The following ZMAT4 variants were observed in gnomAD, a reference collection of about 807,000 sequenced individuals.
ZMAT4 encodes zinc finger matrin-type protein 4.
A neutral mutation model predicts 28.7 loss-of-function variants in ZMAT4; 17 were observed. That is an observed-to-expected ratio of 0.59 (90% confidence interval 0.41 to 0.89). ZMAT4 has a LOEUF of 0.89. ZMAT4 is among the 40% of genes least tolerant of loss of function. ZMAT4 has a pLI of 0.00. For missense variants in ZMAT4, 240 were observed against 283.8 expected (o/e 0.85, Z 1.11); for synonymous variants, 117 against 109.2 (o/e 1.07, Z -0.44).
At chr8:40,532,706 AT>A (rs1287396780) in intron 6 of ZMAT4, among the ~76,000 whole-genome samples, 3 of 143,214 alleles carry the variant, frequency 2.1e-5, no homozygotes, top group African/African-American at 5.2e-5. Context: ...GAAAAAAAAA[AT>A]TGTTTCTGGG....
At chr8:40,808,661 CAG>C (rs1815191005) in intron 2 of ZMAT4, 1 of 376,146 alleles carries the variant, frequency 2.7e-6, no homozygotes, top group South Asian at 2.0e-5. Flanking sequence ...CATCTTCACT[CAG>C]GGGAGGTAAC....
At chr8:40,682,335 G>A (rs1809208385) in intron 4 of ZMAT4, among the ~76,000 whole-genome samples, 1 of 152,152 alleles carries the variant, frequency 6.6e-6, no homozygotes, top group Non-Finnish European at 1.5e-5. Context: ...GTAGACTTGA[G>A]GTAAAATGAG....
chr8:40,791,613 A>G (rs188046750), intron 2 of ZMAT4, among the ~76,000 whole-genome samples: 9 of 152,312 alleles, frequency 5.9e-5, no homozygotes, highest in Admixed American at 2.6e-4. Context: ...GCATTCTGCA[A>G]TATAAGCTTG....
At chr8:40,598,369 C>A (rs1805174913) in intron 5 of ZMAT4, among the ~76,000 whole-genome samples, 1 of 152,116 alleles carries the variant, frequency 6.6e-6, no homozygotes, top group Non-Finnish European at 1.5e-5. Context: ...CCCTCACCCC[C>A]ACCCCCTGAC....
intron 6 of ZMAT4, among the ~76,000 whole-genome samples, chr8:40,539,481 T>C (rs1302351425): frequency 6.6e-6 from 1 of 152,236 alleles, no homozygotes; most frequent in Non-Finnish European, 1.5e-5. Flanking sequence ...AAAGGGCTTG[T>C]GATTGAAAGT....
chr8:40,649,293 G>A (rs1349397710), intron 5 of ZMAT4, among the ~76,000 whole-genome samples: 1 of 151,984 alleles, frequency 6.6e-6, no homozygotes, highest in Admixed American at 6.6e-5. Context: ...TGATAAAACA[G>A]ACTTTAAACC....
At chr8:40,727,497 C>G (rs1310856542) in intron 3 of ZMAT4, among the ~76,000 whole-genome samples, 1 of 152,140 alleles carries the variant, frequency 6.6e-6, no homozygotes, top group Non-Finnish European at 1.5e-5. Context: ...ATGTATTTCT[C>G]CCGTGAAGCT....
chr8:40,734,202 CTT>C (rs1811660243), intron 3 of ZMAT4, among the ~76,000 whole-genome samples: 1 of 151,632 alleles, frequency 6.6e-6, no homozygotes, highest in African/African-American at 2.4e-5. Context: ...ACTAGTCTTA[CTT>C]ACGAAATATT....
chr8:40,576,523 G>C (rs1231389347), intron 6 of ZMAT4, among the ~76,000 whole-genome samples: 2 of 144,008 alleles, frequency 1.4e-5, no homozygotes, highest in African/African-American at 5.5e-5. Flanking sequence ...ATATTTAAGG[G>C]CTGAAAGGAA....
At chr8:40,890,284 A>G (rs1818623012) in intron 1 of ZMAT4, among the ~76,000 whole-genome samples, 1 of 152,190 alleles carries the variant, frequency 6.6e-6, no homozygotes, top group Admixed American at 6.5e-5. Flanking sequence ...TTAAATGTCC[A>G]GTGTGGATCC....
intron 5 of ZMAT4, among the ~76,000 whole-genome samples, chr8:40,654,196 T>C (rs909771950): frequency 2.0e-5 from 3 of 152,160 alleles, no homozygotes; most frequent in Admixed American, 2.0e-4. Context: ...CCTTCATGGC[T>C]CTCTAGCCCA....
intron 1 of ZMAT4, among the ~76,000 whole-genome samples, chr8:40,847,378 A>G (rs1816946850): frequency 6.6e-6 from 1 of 152,176 alleles, no homozygotes; most frequent in East Asian, 1.9e-4. Flanking sequence ...AGCGCTCCTC[A>G]AACCACAATG....
At chr8:40,610,406 G>A (rs1805753707) in intron 5 of ZMAT4, among the ~76,000 whole-genome samples, 1 of 152,190 alleles carries the variant, frequency 6.6e-6, no homozygotes, top group Non-Finnish European at 1.5e-5. Context: ...GGTTGTGTGA[G>A]GGAGCTATGC....
intron 5 of ZMAT4, among the ~76,000 whole-genome samples, chr8:40,629,167 ATT>A (rs1806482852): frequency 6.6e-6 from 1 of 150,542 alleles, no homozygotes; most frequent in Admixed American, 6.6e-5. Flanking sequence ...TTATTTCTGC[ATT>A]TTAAGATAGT....
chr8:40,812,661 T>C (rs938070647), intron 2 of ZMAT4, among the ~76,000 whole-genome samples: 10 of 152,328 alleles, frequency 6.6e-5, no homozygotes, highest in South Asian at 6.2e-4. Flanking sequence ...TCAGGTGCGG[T>C]GGCTCATGCC....
chr8:40,622,476 C>T (rs1267124167), intron 5 of ZMAT4, among the ~76,000 whole-genome samples: 1 of 152,222 alleles, frequency 6.6e-6, no homozygotes, highest in East Asian at 1.9e-4. Flanking sequence ...AACCATGTTA[C>T]CAACTGGGTG....
Position 40,531,233 on chromosome 8 carries a change from A to G in ZMAT4, c.*990T>C, listed in dbSNP as rs750072325. 6 of 152,160 alleles carry G rather than the reference A, an allele frequency of 3.9e-5. No individual in the cohort carries two copies. Among genetic ancestry groups the G allele is most frequent in the Non-Finnish European group, 8.8e-5 (6 of 68,018 alleles). The allele number at this position is 152,160 out of a possible 1,614,324, so 9.4% of individuals were successfully genotyped here. A position where few individuals can be genotyped will look rare whatever the true frequency, so the allele number is the denominator to read the frequency against. ...TTTCTTTATCGGTCATGCTCTTTCC[A>G]GAGTGACTGAGTCTTGGCTCAGCAG... On this transcript the variant is annotated 3_prime_UTR_variant, in exon 7 of 7. Coordinates refer to ENST00000297737, the MANE Select transcript of ZMAT4 (RefSeq NM_024645.3).
intron 1 of ZMAT4, among the ~76,000 whole-genome samples, chr8:40,842,473 T>C (rs1176262098): frequency 2.0e-5 from 3 of 152,230 alleles, no homozygotes; most frequent in Non-Finnish European, 4.4e-5. Flanking sequence ...AAATAATTTG[T>C]GGCTCTGACA....
chr8:40,640,118 A>C (rs1806954898), intron 5 of ZMAT4, among the ~76,000 whole-genome samples: 1 of 152,142 alleles, frequency 6.6e-6, no homozygotes, highest in Non-Finnish European at 1.5e-5. Context: ...CTTGGACTAC[A>C]GGTGTGCATC....
Sources: gnomAD v4.1 joint callset for allele counts (sites outside exome capture counted in the v4.1 genomes callset) on GRCh38, gnomAD v4.1.1 for gene constraint, MANE v1.5 for transcripts, NCBI Gene and HGNC (gene_info 2026-07-23, HGNC 2026-07-21) for gene names.